The following HAP1 variants were observed in gnomAD, a reference collection of about 807,000 sequenced individuals.
HAP1 encodes the protein huntingtin associated protein 1, also known as huntingtin-associated protein 1.
HAP1 carries 59 observed loss-of-function variants against 60.3 expected under a neutral mutation model. The ratio of observed to expected loss-of-function variants is 0.98; its 90% CI spans 0.79 to 1.22. HAP1 has a LOEUF of 1.22. Ranked by LOEUF, HAP1 falls within the 50% of genes most tolerant of loss-of-function variation. The pLI, the probability that HAP1 is intolerant of heterozygous loss-of-function variation, is 0.00. For missense variants in HAP1, 825 were observed against 785.3 expected (o/e 1.05, Z -0.60); for synonymous variants, 346 against 330.6 (o/e 1.05, Z -0.50).
chr17:41,727,346 G>C lies in HAP1; in HGVS notation c.1276-202C>G, dbSNP rs782032504. 5.1e-6 allele frequency: 4 copies of C among 780,702 alleles called. No individual in the cohort carries two copies. In the Admixed American group the frequency reaches 6.8e-5, roughly 13 times the overall value. 48.4% of individuals were successfully genotyped at this position (780,702 alleles called of 1,614,324 possible). ...GGGTGGCAGACCCAGTGGACACTGG[G>C]GGTTGCTGGCGGAGGGTCTTCACCT... On this transcript the variant is annotated intron_variant, in intron 8 of 10. Transcript: ENST00000347901.
At chr17:41,729,164 C>T (rs1226006576) in intron 6 of HAP1, among the ~76,000 whole-genome samples, 14 of 148,884 alleles carry the variant, frequency 9.4e-5, no homozygotes, top group Admixed American at 9.4e-4. Context: ...TGGTCTCAAA[C>T]TCCTGACCTC....
intron 7 of HAP1, 103 bp downstream of exon 7, chr17:41,728,098 C>T: frequency 7.3e-7 from 1 of 1,370,516 alleles, no homozygotes; most frequent in Non-Finnish European, 1.0e-6. Flanking sequence ...GACTCTGACA[C>T]AGAAAGGGAC....
rs930481335 is a variant in HAP1, at chr17:41,724,683, C to T, written c.*18G>A. 22 of 1,568,008 alleles carry T rather than the reference C, an allele frequency of 1.4e-5. No individual in the cohort carries two copies. The highest frequency in any genetic ancestry group is 1.8e-5 in the Non-Finnish European group (21 of 1,150,800). ...CTGGGGCAGGTGAGCACTCGGGGAG[C>T]TTATCCACCCTCTCTTTTCATCGGC... On this transcript the variant is annotated 3_prime_UTR_variant, in exon 11 of 11. Transcript: ENST00000347901.
At chr17:41,731,432 C>T in intron 6 of HAP1, 61 bp downstream of exon 6, 3 of 1,154,704 alleles carry the variant, frequency 2.6e-6, no homozygotes, top group Non-Finnish European at 3.9e-6. Flanking sequence ...TACTCCACAT[C>T]TTGAGTTCTT....
chr17:41,724,737 G>T lies in HAP1; in HGVS notation c.1824C>A (p.Ala608=). The change falls in exon 11 of 11, where the codon GCC becomes GCA. Residue 608 remains alanine (A), a synonymous_variant. Coordinates refer to ENST00000347901, the MANE Select transcript of HAP1 (RefSeq NM_177977.3). ...ACGATCTGCAGCTTGTCCGGCTGGC[G>T]GCAGGGAGGGCCCCGTGGGGGCACT... ...KGECPHGALP[A]ASRTSCRSSC... 1 of 1,595,056 alleles carries T rather than the reference G, an allele frequency of 6.3e-7. No individual in the cohort carries two copies. The highest frequency in any genetic ancestry group is 8.6e-7 in the Non-Finnish European group (1 of 1,165,356).
At chr17:41,717,879 T>A (rs1320438635), downstream of HAP1, 1 of 418,518 alleles carries the variant, frequency 2.4e-6, no homozygotes, top group Non-Finnish European at 5.3e-6. Flanking sequence ...TGCTCATGAG[T>A]GGCTGGTGCA....
downstream of HAP1, among the ~76,000 whole-genome samples, chr17:41,719,756 G>A (rs1555586670): frequency 6.6e-6 from 1 of 151,716 alleles, no homozygotes; most frequent in African/African-American, 2.4e-5. Flanking sequence ...TCAACATTGT[G>A]CAACCACTAC....
At chr17:41,733,039 T>G (rs201100167) in intron 1 of HAP1, among the ~76,000 whole-genome samples, 4 of 13,040 alleles carry the variant, frequency 3.1e-4, no homozygotes, top group African/African-American at 7.3e-4. Context: ...TTTTTTTTGG[T>G]TTTTTTTTTT....
rs782489401 is a variant in HAP1 at position 41,734,584 on chromosome 17, G to A, written c.51C>T (p.Pro17=). The A allele has an allele frequency of 2.5e-6, 4 of 1,584,660 alleles. No individual in the cohort carries two copies. The highest frequency in any genetic ancestry group is 2.3e-5 in the East Asian group (1 of 44,090). ...CACAGGTGAGTGCTGCTGGGTCCCC[G>A]GGTCCGAGCCGGCTCCCCGCGCAGC... ...GRCCAGSRLG[P]GDPAALTCAP... Residue 17 remains proline (P), a synonymous_variant, in exon 1 of 11, where the codon CCC becomes CCT. Coordinates refer to ENST00000347901, the MANE Select transcript of HAP1 (RefSeq NM_177977.3).
chr17:41,734,028 C>G (rs1449814676), intron 1 of HAP1, 138 bp downstream of exon 1: 1 of 657,204 alleles, frequency 1.5e-6, no homozygotes, highest in African/African-American at 1.8e-5. Context: ...AGACAGACAC[C>G]GCAGTGACAT....
chr17:41,718,637 A>G (rs1484034168), downstream of HAP1, among the ~76,000 whole-genome samples: 1 of 152,254 alleles, frequency 6.6e-6, no homozygotes, highest in Non-Finnish European at 1.5e-5. Flanking sequence ...AAGGCTAGTG[A>G]GTCAAGTTTG....
rs1555591289 is a variant in HAP1, at chr17:41,732,255, G to A, written c.689C>T (p.Ala230Val). 2 of 1,614,000 alleles carry A rather than the reference G, an allele frequency of 1.2e-6. No individual in the cohort carries two copies. Among genetic ancestry groups the A allele is most frequent in the African/African-American group, 1.3e-5 (1 of 74,888 alleles). ...VLMEENSKLE[A>V]LLGSAKEEIL... is the part of the protein sequence containing the mutation. The stretch of plus-strand genomic sequence containing the variant: ...CTCCTCCTTGGCTGAGCCCAGCAGG[G>A]CTTCCAGCTTGCTGTTCTCCTCCAT... Residue 230 changes from alanine (A) to valine (V), a missense_variant, in exon 3 of 11, where the codon GCC becomes GTC. Physicochemically the swap from Ala to Val is moderately conservative, Grantham distance 64 (BLOSUM62 0). Coordinates refer to ENST00000347901, the MANE Select transcript of HAP1 (RefSeq NM_177977.3).
In HAP1 at chr17:41,726,161, T is replaced by C. The variant is rs565088161; in HGVS notation, c.1368-264A>G. ...CAGGTGCAGTGGCTCACGCCTATAA[T>C]CCCAACACTTTGAGAGGCCCAGGCG... is the stretch of plus-strand genomic sequence containing the variant. On this transcript the variant is annotated intron_variant, in intron 9 of 10. Coordinates refer to ENST00000347901, the MANE Select transcript of HAP1 (RefSeq NM_177977.3). Among the ~76,000 whole-genome samples, 45 of 152,198 alleles carry C rather than the reference T, an allele frequency of 3.0e-4. 1 individual carries two copies. The South Asian group carries it at 9.3e-3, about 32-fold the overall frequency.
At chr17:41,733,639 T>TA (rs1240680096) in intron 1 of HAP1, among the ~76,000 whole-genome samples, 2 of 152,012 alleles carry the variant, frequency 1.3e-5, no homozygotes, top group African/African-American at 4.8e-5. Context: ...CTCGAGCCTC[T>TA]AGGCCCAATC....
chr17:41,728,159 C>T lies in HAP1; in HGVS notation c.1200+42G>A, dbSNP rs188380607. ...GGCAGGAAGAAGGAAGCTAGGGTCCCATGGGGCCACGACAAGAGGGTTCCA... is the reference window on the plus strand; with the variant it reads ...GGCAGGAAGAAGGAAGCTAGGGTCCTATGGGGCCACGACAAGAGGGTTCCA... On this transcript the variant is annotated intron_variant, in intron 7 of 10. Transcript: ENST00000347901. 348 of 1,601,868 alleles carry T rather than the reference C, an allele frequency of 2.2e-4. No homozygotes were observed. In the African/African-American group the frequency reaches 3.0e-3, roughly 14 times the overall value.
rs544460288 is a variant in HAP1, at chr17:41,734,603, G to A, written c.32C>T (p.Ala11Val). Residue 11 changes from alanine (A) to valine (V), a missense_variant, in exon 1 of 11, where the codon GCG becomes GTG. By Grantham distance (64) the Ala-to-Val change is moderately conservative. Coordinates refer to ENST00000347901, the MANE Select transcript of HAP1 (RefSeq NM_177977.3). MRPKRLGRCC[A>V]GSRLGPGDPA... The stretch of plus-strand genomic sequence containing the variant: ...GTCCCCGGGTCCGAGCCGGCTCCCC[G>A]CGCAGCACCGGCCCAACCTCTTCGG... The A allele has an allele frequency of 1.9e-6, 3 of 1,566,898 alleles. No individual in the cohort carries two copies. The highest frequency in any genetic ancestry group is 2.6e-6 in the Non-Finnish European group (3 of 1,157,788).
At chr17:41,728,380 G>A (rs782555900) in intron 6 of HAP1, 49 bp from the exon 7 acceptor site, 10 of 1,590,558 alleles carry the variant, frequency 6.3e-6, no homozygotes, top group Admixed American at 1.7e-5. Context: ...GGCCTTCAGG[G>A]ACCAGCTCTG....
At chr17:41,733,929 T>C (rs1425295684) in intron 1 of HAP1, among the ~76,000 whole-genome samples, 2 of 151,270 alleles carry the variant, frequency 1.3e-5, no homozygotes, top group African/African-American at 4.9e-5. Context: ...CGCGTGGAGG[T>C]GGGTGGGCGA....
chr17:41,724,736 C>G lies in HAP1; in HGVS notation c.1825G>C (p.Ala609Pro). 6.3e-7 allele frequency: 1 copy of G among 1,594,782 alleles called. No homozygotes were observed. Residue 609 changes from alanine to proline, a missense_variant, in exon 11 of 11, where the codon GCC becomes CCC. Transcript: ENST00000347901. ...GECPHGALPA[A>P]SRTSCRSSCR Reference sequence around the variant, plus strand: ...GACGATCTGCAGCTTGTCCGGCTGGCGGCAGGGAGGGCCCCGTGGGGGCAC... The same window carrying G: ...GACGATCTGCAGCTTGTCCGGCTGGGGGCAGGGAGGGCCCCGTGGGGGCAC...
Sources: gnomAD v4.1 joint callset for allele counts (sites outside exome capture counted in the v4.1 genomes callset) on GRCh38, gnomAD v4.1.1 for gene constraint, MANE v1.5 for transcripts, NCBI Gene and HGNC (gene_info 2026-07-23, HGNC 2026-07-21) for gene names.